The following WLS variants were observed in gnomAD, a reference collection of about 807,000 sequenced individuals.
WLS encodes the protein Wnt ligand secretion mediator, also known as protein wntless homolog.
WLS carries 23 observed loss-of-function variants against 62.8 expected under a neutral mutation model. That is an observed-to-expected ratio of 0.37 (90% CI 0.26 to 0.52). The LOEUF is 0.52. WLS is among the 20% of genes least tolerant of loss of function. WLS has a pLI of 0.92. For synonymous variants in WLS, 246 were observed against 244.1 expected (o/e 1.01, Z -0.07); for missense variants, 615 against 697.3 (o/e 0.88, Z 1.33).
intron 1 of WLS, among the ~76,000 whole-genome samples, chr1:68,222,276 C>T (rs780357700): frequency 6.6e-6 from 1 of 152,154 alleles, no homozygotes; most frequent in South Asian, 2.1e-4. Context: ...AGGGAATGTA[C>T]CACACCCTCA....
chr1:68,145,572 C>T (rs1048461522), intron 9 of WLS, among the ~76,000 whole-genome samples: 1 of 151,996 alleles, frequency 6.6e-6, no homozygotes, highest in Non-Finnish European at 1.5e-5. Context: ...ATAGTCCAAT[C>T]TCCCAGCTAG....
At chr1:68,153,994 C>G (rs1351180820) in intron 4 of WLS, among the ~76,000 whole-genome samples, 1 of 152,068 alleles carries the variant, frequency 6.6e-6, no homozygotes, top group African/African-American at 2.4e-5. Context: ...AATTATCTTA[C>G]CTTGGACTCA....
intron 2 of WLS, among the ~76,000 whole-genome samples, chr1:68,177,049 T>G (rs998605246): frequency 2.0e-5 from 3 of 152,232 alleles, no homozygotes; most frequent in Admixed American, 1.3e-4. Flanking sequence ...CATCTTAATA[T>G]TCTTCCATTT....
At chr1:68,201,281 A>C (rs2100625960) in intron 1 of WLS, among the ~76,000 whole-genome samples, 1 of 152,340 alleles carries the variant, frequency 6.6e-6, no homozygotes, top group African/African-American at 2.4e-5. Context: ...CACTTATCTA[A>C]GTTTTGGGTG....
chr1:68,168,706 G>A (rs1295022507), intron 2 of WLS, among the ~76,000 whole-genome samples: 1 of 152,096 alleles, frequency 6.6e-6, no homozygotes, highest in Non-Finnish European at 1.5e-5. Flanking sequence ...ATTACATAGG[G>A]GAGCTGCCAG....
At chr1:68,205,479 G>A (rs1201072462) in intron 1 of WLS, among the ~76,000 whole-genome samples, 2 of 152,168 alleles carry the variant, frequency 1.3e-5, no homozygotes, top group African/African-American at 2.4e-5. Context: ...GTTCAGCATA[G>A]TTCCTGGAAA....
At chr1:68,220,320 C>T (rs1649891297) in intron 1 of WLS, among the ~76,000 whole-genome samples, 1 of 152,266 alleles carries the variant, frequency 6.6e-6, no homozygotes, top group Middle Eastern at 3.4e-3. Flanking sequence ...AATAAACAAA[C>T]AAACAGACTT....
intron 1 of WLS, chr1:68,201,877 A>G (rs1467217504): frequency 3.3e-5 from 5 of 152,246 alleles, no homozygotes; most frequent in African/African-American, 9.6e-5. Flanking sequence ...AATTATGGAC[A>G]TTTTGACAGC....
chr1:68,152,554 C>G (rs1579514), intron 5 of WLS, among the ~76,000 whole-genome samples: 1 of 151,988 alleles, frequency 6.6e-6, no homozygotes, highest in Non-Finnish European at 1.5e-5. Flanking sequence ...AAGTGAGGAA[C>G]AAAAAATGAC....
intron 11 of WLS, among the ~76,000 whole-genome samples, chr1:68,135,654 CA>C (rs1646598618): frequency 1.3e-5 from 2 of 152,160 alleles, no homozygotes; most frequent in Non-Finnish European, 2.9e-5. Flanking sequence ...CCAGGAAGTC[CA>C]GCCATTGCTT....
rs141198421 is a variant in WLS at position 68,174,352 on chromosome 1, C to T, written c.380-15105G>A. On this transcript the variant is annotated intron_variant, in intron 2 of 11. Coordinates refer to ENST00000262348, the MANE Select transcript of WLS (RefSeq NM_024911.7). ...ATACGGCTTATGTGGGGAATTATTG[C>T]ACTCAGCTTTGGGGTTCTATTTAAA... 1.4e-4 allele frequency among the ~76,000 whole-genome samples: 21 copies of T among 152,264 alleles called. No homozygotes were observed. In the East Asian group the frequency reaches 3.3e-3, roughly 24 times the overall value.
chr1:68,162,153 T>A (rs200437498), intron 2 of WLS: 1 of 1,476,020 alleles, frequency 6.8e-7, no homozygotes, highest in Non-Finnish European at 9.5e-7. Context: ...TAAGATTCGG[T>A]GCATCTTTCA....
intron 11 of WLS, among the ~76,000 whole-genome samples, chr1:68,129,603 G>A (rs962364742): frequency 6.6e-6 from 1 of 152,192 alleles, no homozygotes; most frequent in African/African-American, 2.4e-5. Flanking sequence ...TTTCACATGT[G>A]ATTTTATTGT....
chr1:68,170,156 A>ATTT (rs1251364873), intron 2 of WLS, among the ~76,000 whole-genome samples: 1 of 102,514 alleles, frequency 9.8e-6, no homozygotes, highest in African/African-American at 3.8e-5. Context: ...GCTGGCTACT[A>ATTT]TTTCTTTTTT....
rs562756348 is a variant in WLS at position 68,158,996 on chromosome 1, C to T, written c.504+127G>A. ...GGAGAGAAGAGGAAATAAAATGCTC[C>T]GCAGAGCAGGTATTACCAAAGCTGT... is the stretch of plus-strand genomic sequence containing the variant. On this transcript the variant is annotated intron_variant, in intron 3 of 11. Coordinates refer to ENST00000262348, the MANE Select transcript of WLS (RefSeq NM_024911.7). 98 of 1,253,146 alleles carry T rather than the reference C, an allele frequency of 7.8e-5. 2 individuals are homozygous for T. The South Asian group carries it at 1.3e-3, about 16-fold the overall frequency. 77.6% of individuals were successfully genotyped at this position (1,253,146 alleles called of 1,614,324 possible).
intron 6 of WLS, among the ~76,000 whole-genome samples, chr1:68,149,373 C>T (rs1646795330): frequency 6.6e-6 from 1 of 152,148 alleles, no homozygotes; most frequent in African/African-American, 2.4e-5. Flanking sequence ...TGCTGGAGGA[C>T]ACCTCATGGA....
chr1:68,122,251 T>C (rs2100362690), downstream of WLS, among the ~76,000 whole-genome samples: 1 of 152,314 alleles, frequency 6.6e-6, no homozygotes, highest in South Asian at 2.1e-4. Context: ...CCCCTGACAT[T>C]TCTCTTGAAC....
At chr1:68,110,637 A>G (rs1290307385) in intron 11 of WLS, among the ~76,000 whole-genome samples, 1 of 148,506 alleles carries the variant, frequency 6.7e-6, no homozygotes, top group Non-Finnish European at 1.5e-5. Flanking sequence ...GAACAGACTA[A>G]GAAGCCCCCA....
At chr1:68,202,444 A>G (rs1649071107) in intron 1 of WLS, 2 of 152,184 alleles carry the variant, frequency 1.3e-5, no homozygotes, top group African/African-American at 4.8e-5. Flanking sequence ...CCTAAATCGA[A>G]AAGACTGATG....
Sources: gnomAD v4.1 joint callset for allele counts (sites outside exome capture counted in the v4.1 genomes callset) on GRCh38, gnomAD v4.1.1 for gene constraint, MANE v1.5 for transcripts, NCBI Gene and HGNC (gene_info 2026-07-23, HGNC 2026-07-21) for gene names.